Variants in PHKB observed in about 807,000 individuals in gnomAD.
PHKB encodes the protein phosphorylase b kinase regulatory subunit beta.
PHKB carries 122 observed loss-of-function variants against 152.1 expected under a neutral mutation model. The observed-to-expected ratio is 0.80, with a 90% confidence interval of 0.69 to 0.93. The LOEUF is 0.93. PHKB is among the 40% of genes least tolerant of loss of function. PHKB has a pLI of 0.00. For synonymous variants in PHKB, 436 were observed against 464.9 expected, an observed-to-expected ratio of 0.94 and a Z score of 0.80; for missense variants, 1,304 against 1,328.4, an observed-to-expected ratio of 0.98 and a Z score of 0.29.
In PHKB at chr16:47,698,531, A is replaced by G; in HGVS notation, c.3087A>G (p.Lys1029=). 1 of 1,612,304 alleles carries G rather than the reference A, an allele frequency of 6.2e-7. No homozygotes were observed. The highest frequency in any genetic ancestry group is 8.5e-7 in the Non-Finnish European group (1 of 1,178,644). The change falls in exon 30 of 31, where the codon AAA becomes AAG. Residue 1029 remains lysine (K), a synonymous_variant. Coordinates refer to ENST00000323584, the MANE Select transcript of PHKB (RefSeq NM_000293.3). The part of the protein sequence containing the change: ...QDKVDLDRLV[K]EAFNEFQKDQ... ...AAGTAGATCTAGACAGACTGGTCAA[A>G]GAAGCATTTAATGAATTTCAAAAAG... is the stretch of plus-strand genomic sequence containing the variant.
At chr16:47,607,300 A>G (rs1282238838) in intron 13 of PHKB, among the ~76,000 whole-genome samples, 2 of 152,096 alleles carry the variant, frequency 1.3e-5, no homozygotes, top group Non-Finnish European at 2.9e-5. Flanking sequence ...AAAAAACCTC[A>G]TGCCCAGTAG....
At chr16:47,497,702 A>G (rs1473571704) in intron 2 of PHKB, among the ~76,000 whole-genome samples, 1 of 152,206 alleles carries the variant, frequency 6.6e-6, no homozygotes, top group Non-Finnish European at 1.5e-5. Flanking sequence ...GAAGAATTTG[A>G]AAACTGTCAC....
chr16:47,647,514 T>C (rs76952835), intron 16 of PHKB, among the ~76,000 whole-genome samples: 2 of 152,100 alleles, frequency 1.3e-5, no homozygotes, highest in Admixed American at 1.3e-4. Context: ...TTTTTTTTTT[T>C]TGAGACGGAG....
chr16:47,532,247 C>G (rs1282658770), intron 6 of PHKB, among the ~76,000 whole-genome samples: 1 of 152,154 alleles, frequency 6.6e-6, no homozygotes, highest in East Asian at 1.9e-4. Context: ...GGCATAAGTT[C>G]TTGTAACTAA....
chr16:47,594,123 A>G lies in PHKB; in HGVS notation c.1127-14A>G, dbSNP rs185628131. 4.9e-4 allele frequency: 675 copies of G among 1,391,076 alleles called. 2 individuals carry two copies. In the African/African-American group the frequency reaches 8.4e-3, roughly 17 times the overall value. 86.2% of individuals were successfully genotyped at this position (1,391,076 alleles called of 1,614,324 possible). A position where few individuals can be genotyped will look rare whatever the true frequency, so the allele number is the denominator to read the frequency against. ...AAGCTCAGCTGCTATTGGATTTTATATTTTATATTTTAGGAGTTTTTAGAG... is the reference window on the plus strand; with the variant it reads ...AAGCTCAGCTGCTATTGGATTTTATGTTTTATATTTTAGGAGTTTTTAGAG... On this transcript the variant is annotated splice_polypyrimidine_tract_variant and intron_variant, in intron 11 of 30. Coordinates refer to ENST00000323584, the MANE Select transcript of PHKB (RefSeq NM_000293.3).
At chr16:47,472,392 C>T (rs2151628737) in intron 1 of PHKB, among the ~76,000 whole-genome samples, 1 of 152,278 alleles carries the variant, frequency 6.6e-6, no homozygotes, top group Admixed American at 6.5e-5. Context: ...TGGCTCATGC[C>T]TGTAATCCTA....
intron 7 of PHKB, chr16:47,565,684 C>T (rs1027793052): frequency 2.2e-5 from 30 of 1,372,262 alleles, no homozygotes; most frequent in Non-Finnish European, 2.8e-5. Context: ...TGAGTTTCTT[C>T]ACTTTGCCAG....
intron 13 of PHKB, among the ~76,000 whole-genome samples, chr16:47,610,277 G>A (rs1228340968): frequency 6.7e-6 from 1 of 148,884 alleles, no homozygotes; most frequent in Non-Finnish European, 1.5e-5. Context: ...CCAAAGTGCT[G>A]GGATTACAGG....
At chr16:47,463,578 A>G (rs958764456) in intron 1 of PHKB, 4 of 293,778 alleles carry the variant, frequency 1.4e-5, no homozygotes, top group African/African-American at 2.2e-5. Context: ...TGACTCCAGT[A>G]TAGAGTCCTC....
intron 7 of PHKB, among the ~76,000 whole-genome samples, chr16:47,559,064 A>C (rs1333032781): frequency 1.3e-5 from 2 of 152,156 alleles, no homozygotes; most frequent in Non-Finnish European, 2.9e-5. Context: ...CTGTAGGAGG[A>C]AGTTTTATGG....
At chr16:47,480,775 A>G (rs1969950546) in intron 1 of PHKB, among the ~76,000 whole-genome samples, 1 of 152,310 alleles carries the variant, frequency 6.6e-6, no homozygotes, top group Middle Eastern at 3.4e-3. Context: ...AATAGACGTA[A>G]TGTTCACCCA....
chr16:47,517,528 A>T (rs996724857), intron 6 of PHKB, among the ~76,000 whole-genome samples: 3 of 152,120 alleles, frequency 2.0e-5, no homozygotes, highest in African/African-American at 7.2e-5. Context: ...AAGTACTGGG[A>T]TTACATCTGG....
intron 17 of PHKB, 111 bp downstream of exon 17, chr16:47,648,727 C>A: frequency 1.3e-6 from 1 of 759,352 alleles, no homozygotes; most frequent in Non-Finnish European, 2.4e-6. Flanking sequence ...ACTCAGACTA[C>A]TTATCTGAAG....
At chr16:47,606,713 T>C (rs993075271) in intron 13 of PHKB, among the ~76,000 whole-genome samples, 2 of 152,144 alleles carry the variant, frequency 1.3e-5, no homozygotes, top group African/African-American at 2.4e-5. Flanking sequence ...TTTCAGGGGC[T>C]TTTCCTACCA....
chr16:47,614,832 C>T (rs1293853830), intron 14 of PHKB, among the ~76,000 whole-genome samples: 3 of 152,084 alleles, frequency 2.0e-5, no homozygotes, highest in Admixed American at 6.6e-5. Flanking sequence ...ATGTTCTTTC[C>T]TTTCTGAATG....
At chr16:47,632,587 T>G (rs1181068950) in intron 14 of PHKB, among the ~76,000 whole-genome samples, 1 of 152,176 alleles carries the variant, frequency 6.6e-6, no homozygotes, top group Non-Finnish European at 1.5e-5. Context: ...TGATTGGTTG[T>G]TAGATGGAGG....
rs559530079 is a variant in PHKB at position 47,588,280 on chromosome 16, A to T, written c.870+517A>T. The stretch of plus-strand genomic sequence containing the variant: ...TTTAGTTATTCAAAACAACTCTTTT[A>T]TGTAAGTAATGTAAGATTATCATTA... On this transcript the variant is annotated intron_variant, in intron 9 of 30. Coordinates refer to ENST00000323584, the MANE Select transcript of PHKB (RefSeq NM_000293.3). Among the ~76,000 whole-genome samples the T allele has an allele frequency of 6.8e-3, 1,033 of 151,454 alleles. 13 individuals are homozygous for T. The highest frequency in any genetic ancestry group is 0.023 in the African/African-American group (967 of 41,330).
At chr16:47,580,004 G>A (rs1429515549) in intron 7 of PHKB, among the ~76,000 whole-genome samples, 1 of 151,724 alleles carries the variant, frequency 6.6e-6, no homozygotes, top group African/African-American at 2.4e-5. Flanking sequence ...TTTTTTTCTT[G>A]AGTTAGTGAA....
chr16:47,485,391 A>G (rs75135282), intron 1 of PHKB, among the ~76,000 whole-genome samples: 18,671 of 152,222 alleles, frequency 0.12, 1,420 homozygotes, highest in South Asian at 0.18. Flanking sequence ...GTTAAGATGC[A>G]TCCATTCTAA....
Sources: allele counts gnomAD v4.1 joint callset (sites outside exome capture counted in the v4.1 genomes callset), GRCh38; gene constraint gnomAD v4.1.1; transcripts MANE v1.5; gene names NCBI Gene and HGNC (gene_info 2026-07-23, HGNC 2026-07-21).